Variants in PLPP4 observed in about 807,000 individuals in gnomAD.
PLPP4 encodes the protein diacylglycerol pyrophosphate like 2.
PLPP4 carries 20 observed loss-of-function variants against 32.2 expected under a neutral mutation model. The ratio of observed to expected loss-of-function variants is 0.62; its 90% CI spans 0.44 to 0.90. The LOEUF is 0.90. Ranked by LOEUF, PLPP4 falls within the 40% of genes least tolerant of loss-of-function variation. PLPP4 has a pLI of 0.00. For synonymous variants in PLPP4, 127 were observed against 133.0 expected (o/e 0.95, Z 0.31); for missense variants, 257 against 353.1 (o/e 0.73, Z 2.18).
chr10:120,473,916 T>C (rs958733040), intron 1 of PLPP4, among the ~76,000 whole-genome samples: 1 of 152,222 alleles, frequency 6.6e-6, no homozygotes, highest in Non-Finnish European at 1.5e-5. Context: ...CTTTATAAAT[T>C]ACCCAGTCTT....
intron 3 of PLPP4, among the ~76,000 whole-genome samples, chr10:120,517,831 G>A (rs756898452): frequency 6.6e-6 from 1 of 152,150 alleles, no homozygotes; most frequent in Non-Finnish European, 1.5e-5. Context: ...CTCTCGATGG[G>A]CCATGAATTG....
intron 1 of PLPP4, among the ~76,000 whole-genome samples, chr10:120,463,153 A>G (rs1848145547): frequency 6.8e-6 from 1 of 147,638 alleles, no homozygotes; most frequent in Non-Finnish European, 1.5e-5. Flanking sequence ...TCAGCCTCCC[A>G]GTAGCTGGGA....
intron 2 of PLPP4, among the ~76,000 whole-genome samples, chr10:120,513,022 G>A (rs1435197115): frequency 6.6e-6 from 1 of 152,094 alleles, no homozygotes; most frequent in African/African-American, 2.4e-5. Context: ...AGTCTCTTCT[G>A]ATATTGTTAT....
chr10:120,543,388 C>T (rs1215311858), intron 5 of PLPP4, among the ~76,000 whole-genome samples: 1 of 152,162 alleles, frequency 6.6e-6, no homozygotes, highest in Non-Finnish European at 1.5e-5. Context: ...CCCCTGATAG[C>T]TCCTATGGTG....
At chr10:120,506,983 A>G (rs984264593) in intron 2 of PLPP4, among the ~76,000 whole-genome samples, 14 of 152,222 alleles carry the variant, frequency 9.2e-5, no homozygotes, top group Non-Finnish European at 2.1e-4. Flanking sequence ...GCCTTTATGG[A>G]AGGCTGTTTC....
intron 1 of PLPP4, among the ~76,000 whole-genome samples, chr10:120,472,310 T>C (rs1479994073): frequency 6.6e-6 from 1 of 152,154 alleles, no homozygotes; most frequent in Non-Finnish European, 1.5e-5. Context: ...CTTGAAATTA[T>C]TAATATCTTT....
chr10:120,590,790 T>C lies in PLPP4; in HGVS notation c.*1288T>C, dbSNP rs931601789. On this transcript the variant is annotated 3_prime_UTR_variant, in exon 7 of 7. Coordinates refer to ENST00000398250, the MANE Select transcript of PLPP4 (RefSeq NM_001030059.3). ...CACTTTTTTTTTTTTTTTTTTGAGA[T>C]GGAGTCTCGCTGTGTCGAGACTGCA... Among the ~76,000 whole-genome samples the C allele has an allele frequency of 7.1e-6, 1 of 140,148 alleles. No individual in the cohort carries two copies. Among genetic ancestry groups the C allele is most frequent in the African/African-American group, 2.7e-5 (1 of 36,962 alleles). The allele number at this position is 140,148 out of a possible 152,430, so 91.9% of individuals were successfully genotyped here.
At chr10:120,505,721 G>T (rs2133871114) in intron 2 of PLPP4, among the ~76,000 whole-genome samples, 1 of 152,252 alleles carries the variant, frequency 6.6e-6, no homozygotes, top group African/African-American at 2.4e-5. Context: ...GACAAATTAG[G>T]GTGGTTGTGA....
intron 5 of PLPP4, among the ~76,000 whole-genome samples, chr10:120,542,704 A>G (rs964563560): frequency 6.6e-5 from 10 of 152,310 alleles, no homozygotes; most frequent in Admixed American, 3.9e-4. Flanking sequence ...TACATTCTCA[A>G]TTCCGCAGGC....
chr10:120,497,868 G>A (rs922119147), intron 1 of PLPP4, among the ~76,000 whole-genome samples: 4 of 151,818 alleles, frequency 2.6e-5, no homozygotes, highest in African/African-American at 7.3e-5. Flanking sequence ...GTGAAACCCC[G>A]TCTCTACTAA....
chr10:120,474,962 G>A lies in PLPP4; in HGVS notation c.56+17601G>A, dbSNP rs371314238. 4.3e-4 allele frequency among the ~76,000 whole-genome samples: 66 copies of A among 152,252 alleles called. 1 individual carries two copies. Among genetic ancestry groups the A allele is most frequent in the African/African-American group, 1.6e-3 (65 of 41,546 alleles). ...CATTGTTAATAAATAAGATGACAGTGTTTTGAGTGAAAATTTTAAATTGAG... is the reference window on the plus strand; with the variant it reads ...CATTGTTAATAAATAAGATGACAGTATTTTGAGTGAAAATTTTAAATTGAG... On this transcript the variant is annotated intron_variant, in intron 1 of 6. Coordinates refer to ENST00000398250, the MANE Select transcript of PLPP4 (RefSeq NM_001030059.3).
chr10:120,540,431 C>T (rs1168741345), intron 5 of PLPP4, among the ~76,000 whole-genome samples: 1 of 152,210 alleles, frequency 6.6e-6, no homozygotes, highest in Non-Finnish European at 1.5e-5. Flanking sequence ...TTACTGGATA[C>T]CTACTAGGTT....
intron 6 of PLPP4, among the ~76,000 whole-genome samples, chr10:120,576,266 A>C (rs913214827): frequency 1.3e-5 from 2 of 152,252 alleles, no homozygotes; most frequent in African/African-American, 4.8e-5. Flanking sequence ...ATGGGCTTCC[A>C]TGATAGGTCT....
At chr10:120,512,168 G>A (rs183126831) in intron 2 of PLPP4, among the ~76,000 whole-genome samples, 3 of 152,274 alleles carry the variant, frequency 2.0e-5, no homozygotes, top group African/African-American at 7.2e-5. Flanking sequence ...TCAACAAGCC[G>A]TGTAGTTATT....
At chr10:120,577,330 A>T (rs1450860603) in intron 6 of PLPP4, among the ~76,000 whole-genome samples, 1 of 152,226 alleles carries the variant, frequency 6.6e-6, no homozygotes, top group African/African-American at 2.4e-5. Context: ...GCCTTTGCAT[A>T]GTACTAACAA....
At chr10:120,521,416 G>C (rs1311458753) in intron 5 of PLPP4, among the ~76,000 whole-genome samples, 1 of 152,106 alleles carries the variant, frequency 6.6e-6, no homozygotes, top group Non-Finnish European at 1.5e-5. Context: ...CATTGTTTAG[G>C]TCATTGTTCT....
intron 1 of PLPP4, among the ~76,000 whole-genome samples, chr10:120,491,738 G>A (rs995163104): frequency 6.6e-6 from 1 of 151,610 alleles, no homozygotes; most frequent in South Asian, 2.1e-4. Context: ...CCCTTTTTTG[G>A]TGAAGTCTTT....
At chr10:120,565,972 C>T (rs577451186) in intron 5 of PLPP4, among the ~76,000 whole-genome samples, 61 of 151,800 alleles carry the variant, frequency 4.0e-4, no homozygotes, top group African/African-American at 1.4e-3. Flanking sequence ...CTATTTAATC[C>T]GTCTACTGAG....
At chr10:120,541,917 C>T (rs998696037) in intron 5 of PLPP4, among the ~76,000 whole-genome samples, 1 of 152,090 alleles carries the variant, frequency 6.6e-6, no homozygotes, top group African/African-American at 2.4e-5. Flanking sequence ...TGAGAGATTA[C>T]AGGCGACCGC....
Sources: gnomAD v4.1 joint callset for allele counts (sites outside exome capture counted in the v4.1 genomes callset) on GRCh38, gnomAD v4.1.1 for gene constraint, MANE v1.5 for transcripts, NCBI Gene and HGNC (gene_info 2026-07-23, HGNC 2026-07-21) for gene names.